The following CRTC1 variants were observed in gnomAD, a reference collection of about 807,000 sequenced individuals.
CRTC1 encodes CREB regulated transcription coactivator 1.
A neutral mutation model predicts 66.1 loss-of-function variants in CRTC1; 18 were observed. The ratio of observed to expected loss-of-function variants is 0.27; its 90% confidence interval spans 0.19 to 0.40. The LOEUF is 0.40. CRTC1 is among the 10% of genes least tolerant of loss of function. The pLI is 1.00. For missense variants in CRTC1, 669 were observed against 887.9 expected, an observed-to-expected ratio of 0.75 and a Z score of 3.13; for synonymous variants, 416 against 398.8, an observed-to-expected ratio of 1.04 and a Z score of -0.51.
intron 1 of CRTC1, among the ~76,000 whole-genome samples, chr19:18,702,926 C>A (rs938112802): frequency 6.6e-6 from 1 of 151,956 alleles, no homozygotes; most frequent in Non-Finnish European, 1.5e-5. Context: ...TTGCGACGGC[C>A]GGGCTGGGAC....
chr19:18,757,370 T>C (rs958844758), intron 6 of CRTC1, among the ~76,000 whole-genome samples: 1 of 152,030 alleles, frequency 6.6e-6, no homozygotes, highest in Non-Finnish European at 1.5e-5. Flanking sequence ...GGAGGAAACA[T>C]TGGTCCTCCA....
Position 18,781,576 on chromosome 19 carries a change from G to T in CRTC1, c.*4194G>T. The T allele has an allele frequency of 4.4e-6, 1 of 229,742 alleles. No homozygotes were observed. Among genetic ancestry groups the T allele is most frequent in the East Asian group, 6.2e-5 (1 of 16,178 alleles). The allele number at this position is 229,742 out of a possible 1,614,324, so 14.2% of individuals were successfully genotyped here. On this transcript the variant is annotated 3_prime_UTR_variant, in exon 14 of 14. Coordinates refer to ENST00000321949, the MANE Select transcript of CRTC1 (RefSeq NM_015321.3). ...ACCATTCTCCCCCTGGGAGCAGGAG[G>T]TGGAGTAAGTTGTACCCCCAGGCCT...
At chr19:18,726,271 C>A (rs2053750178) in intron 1 of CRTC1, among the ~76,000 whole-genome samples, 1 of 152,254 alleles carries the variant, frequency 6.6e-6, no homozygotes, top group Non-Finnish European at 1.5e-5. Context: ...GAGCCCCATG[C>A]ATTTCCAGCA....
At chr19:18,710,020 C>G (rs927092211) in intron 1 of CRTC1, among the ~76,000 whole-genome samples, 20 of 151,948 alleles carry the variant, frequency 1.3e-4, no homozygotes, top group Middle Eastern at 3.4e-3. Flanking sequence ...AGCACCCGCC[C>G]CCCCACACTT....
chr19:18,779,523 T>C lies in CRTC1; in HGVS notation c.*2141T>C, dbSNP rs2055063029. 1 of 214,504 alleles carries C rather than the reference T, an allele frequency of 4.7e-6. No individual in the cohort carries two copies. The highest frequency in any genetic ancestry group is 9.3e-6 in the Non-Finnish European group (1 of 107,782). 13.3% of individuals were successfully genotyped at this position (214,504 alleles called of 1,614,324 possible). ...GTTTCATTACCATTAGACTTGTATG[T>C]AGGACTTAAAAAAAAATGGCCTTAA... On this transcript the variant is annotated 3_prime_UTR_variant, in exon 14 of 14. Transcript: ENST00000321949.
intron 1 of CRTC1, among the ~76,000 whole-genome samples, chr19:18,731,398 T>G (rs1190906919): frequency 1.3e-5 from 2 of 152,148 alleles, no homozygotes; most frequent in Non-Finnish European, 2.9e-5. Context: ...CTTGGCCCAC[T>G]TTCCTCAGTG....
At chr19:18,726,485 G>T (rs998203991) in intron 1 of CRTC1, among the ~76,000 whole-genome samples, 3 of 152,220 alleles carry the variant, frequency 2.0e-5, no homozygotes, top group African/African-American at 7.2e-5. Flanking sequence ...GAGTGTATGG[G>T]GTTGAACAGT....
intron 6 of CRTC1, among the ~76,000 whole-genome samples, chr19:18,755,576 C>T (rs1431388670): frequency 7.0e-6 from 1 of 143,714 alleles, no homozygotes; most frequent in Admixed American, 7.0e-5. Context: ...ACTATAGGAG[C>T]GTGCCACCAA....
At chr19:18,759,956 G>GT in intron 7 of CRTC1, 52 bp from the exon 8 acceptor site, 1 of 1,221,322 alleles carries the variant, frequency 8.2e-7, no homozygotes, top group Non-Finnish European at 1.2e-6. Context: ...TGTCCCCGCC[G>GT]CCAGCCCCGC....
chr19:18,729,205 C>A (rs1037654644), intron 1 of CRTC1, among the ~76,000 whole-genome samples: 1 of 149,192 alleles, frequency 6.7e-6, no homozygotes, highest in Non-Finnish European at 1.5e-5. Flanking sequence ...GTGGGCGGAT[C>A]ACGAGGTCAG....
At chr19:18,731,551 T>C (rs953728497) in intron 1 of CRTC1, among the ~76,000 whole-genome samples, 1 of 152,226 alleles carries the variant, frequency 6.6e-6, no homozygotes, top group African/African-American at 2.4e-5. Context: ...TCCGAGGTTT[T>C]GGTGGACATG....
intron 1 of CRTC1, among the ~76,000 whole-genome samples, chr19:18,699,038 C>A (rs1051717605): frequency 4.6e-5 from 7 of 152,060 alleles, no homozygotes; most frequent in Non-Finnish European, 5.9e-5. Context: ...TTAGCAGGCA[C>A]TCAGCTGACA....
At position 18,727,580 on chromosome 19, in the gene CRTC1, C is replaced by CAAAAAA. The variant is rs60907638; in HGVS notation, c.127-15318_127-15313dup. ...TGGGTGACAGAGCAAGACTCTGTCT[C>CAAAAAA]AAAAAAAAAAAAAAAAAGAAGAAGA... On this transcript the variant is annotated intron_variant, in intron 1 of 13. Transcript: ENST00000321949. Among the ~76,000 whole-genome samples, 40 of 51,798 alleles carry CAAAAAA rather than the reference C, an allele frequency of 7.7e-4. 3 individuals are homozygous for CAAAAAA. The highest frequency in any genetic ancestry group is 2.9e-3 in the African/African-American group (35 of 12,098). 34.0% of individuals were successfully genotyped at this position (51,798 alleles called of 152,430 possible).
intron 1 of CRTC1, among the ~76,000 whole-genome samples, chr19:18,708,863 G>T (rs1375477028): frequency 6.6e-6 from 1 of 152,198 alleles, no homozygotes; most frequent in African/African-American, 2.4e-5. Flanking sequence ...CAGCCACCCT[G>T]CCCACGCCGT....
chr19:18,721,343 G>C (rs1025539212), intron 1 of CRTC1, among the ~76,000 whole-genome samples: 1 of 151,230 alleles, frequency 6.6e-6, no homozygotes, highest in South Asian at 2.1e-4. Context: ...TCAGGCGCCC[G>C]CCACCATGCC....
intron 1 of CRTC1, among the ~76,000 whole-genome samples, chr19:18,711,537 TA>T (rs1426121320): frequency 6.6e-6 from 1 of 152,124 alleles, no homozygotes. Context: ...TTTGCATTTT[TA>T]AAAAAATGCT....
chr19:18,731,061 C>T (rs1344630748), intron 1 of CRTC1, among the ~76,000 whole-genome samples: 1 of 152,150 alleles, frequency 6.6e-6, no homozygotes, highest in East Asian at 1.9e-4. Flanking sequence ...CTCACAGCAC[C>T]CTCCACCTCC....
At chr19:18,775,883 G>A in intron 13 of CRTC1, 62 bp downstream of exon 13, 1 of 1,470,242 alleles carries the variant, frequency 6.8e-7, no homozygotes, top group Non-Finnish European at 9.1e-7. Context: ...TGCGGAGACA[G>A]CCAGAGACTG....
At chr19:18,744,039 C>A (rs530854652) in intron 2 of CRTC1, 104 of 1,558,052 alleles carry the variant, frequency 6.7e-5, no homozygotes, top group Admixed American at 1.0e-4. Flanking sequence ...GGGGGAGGTC[C>A]CACGCATCCC....
Sources: allele counts gnomAD v4.1 joint callset (sites outside exome capture counted in the v4.1 genomes callset), GRCh38; gene constraint gnomAD v4.1.1; transcripts MANE v1.5; gene names NCBI Gene and HGNC (gene_info 2026-07-23, HGNC 2026-07-21).